RGS6: variants seen among roughly 807,000 people sequenced by gnomAD.
RGS6 encodes regulator of G-protein signaling 6.
Under a neutral mutation model 78.5 loss-of-function variants are expected in RGS6, and 30 were observed. The observed-to-expected ratio is 0.38, with a 90% confidence interval of 0.29 to 0.52. The LOEUF (loss-of-function observed/expected upper bound fraction) is 0.52, where lower values mean the gene tolerates loss of function less well. RGS6 is among the 20% of genes least tolerant of loss of function. The pLI is 0.85. For synonymous variants in RGS6, 206 were observed against 206.0 expected (o/e 1.00, Z 0.00); for missense variants, 495 against 609.7 (o/e 0.81, Z 1.98).
At chr14:72,475,754 A>T (rs1343137226) in intron 10 of RGS6, among the ~76,000 whole-genome samples, 1 of 151,676 alleles carries the variant, frequency 6.6e-6, no homozygotes, top group African/African-American at 2.4e-5. Flanking sequence ...AAGAGTGGAG[A>T]TGTGTCCCCA....
intron 2 of RGS6, among the ~76,000 whole-genome samples, chr14:72,292,257 T>C (rs2063724482): frequency 6.6e-6 from 1 of 152,204 alleles, no homozygotes; most frequent in South Asian, 2.1e-4. Context: ...CCAGCTGTCG[T>C]TTGTTCTCCT....
At chr14:72,073,296 G>GT (rs2094469217) in intron 2 of RGS6, among the ~76,000 whole-genome samples, 1 of 152,134 alleles carries the variant, frequency 6.6e-6, no homozygotes, top group African/African-American at 2.4e-5. Flanking sequence ...AACAAAACCG[G>GT]TATTACCATA....
intron 14 of RGS6, among the ~76,000 whole-genome samples, chr14:72,515,452 G>A (rs992438218): frequency 5.9e-5 from 9 of 152,214 alleles, no homozygotes; most frequent in African/African-American, 2.2e-4. Flanking sequence ...GATCACTTGA[G>A]GCCAGGAGTT....
the RGS6 span, among the ~76,000 whole-genome samples, chr14:72,622,585 A>C: frequency 6.6e-6 from 1 of 152,282 alleles, no homozygotes; most frequent in African/African-American, 2.4e-5. Context: ...AATTTCCCAA[A>C]GGAAAACTAG....
chr14:72,075,804 C>T (rs1021386027), intron 2 of RGS6, among the ~76,000 whole-genome samples: 1 of 152,180 alleles, frequency 6.6e-6, no homozygotes, highest in Non-Finnish European at 1.5e-5. Context: ...TGGTACCTTA[C>T]GTGACCTCCG....
At chr14:72,218,524 T>C (rs2046119520) in intron 2 of RGS6, among the ~76,000 whole-genome samples, 2 of 152,100 alleles carry the variant, frequency 1.3e-5, no homozygotes. Flanking sequence ...AATACAGGGT[T>C]AGGTTTCTGC....
chr14:72,231,637 T>G (rs1456879559), intron 2 of RGS6, among the ~76,000 whole-genome samples: 3 of 152,118 alleles, frequency 2.0e-5, no homozygotes, highest in Admixed American at 2.0e-4. Flanking sequence ...TAGAGAGTGA[T>G]GGGGCCAGAC....
chr14:72,068,754 C>CA lies in RGS6; in HGVS notation c.84+103882dup, dbSNP rs1263175092. Among the ~76,000 whole-genome samples, 5 of 152,062 alleles carry CA rather than the reference C, an allele frequency of 3.3e-5. No individual in the cohort carries two copies. In the East Asian group the frequency reaches 9.7e-4, roughly 29 times the overall value. On this transcript the variant is annotated intron_variant, in intron 2 of 17. Coordinates refer to ENST00000553525, the MANE Select transcript of RGS6 (RefSeq NM_001204424.2). ...TGTTGATATATGTGCCTTGGCCTCC[C>CA]AAAGTGCTGGGATTACAGGTGTGAG... is the stretch of plus-strand genomic sequence containing the variant.
At chr14:72,343,977 G>C (rs762017306) in intron 2 of RGS6, among the ~76,000 whole-genome samples, 5 of 152,100 alleles carry the variant, frequency 3.3e-5, no homozygotes, top group Non-Finnish European at 7.4e-5. Flanking sequence ...GGCCATCTGC[G>C]GTCAGAGATT....
At chr14:72,055,559 G>T (rs1017857850) in intron 2 of RGS6, among the ~76,000 whole-genome samples, 1 of 152,098 alleles carries the variant, frequency 6.6e-6, no homozygotes, top group East Asian at 1.9e-4. Context: ...CTGCACAGTG[G>T]AATCCCTTGG....
Position 72,060,262 on chromosome 14 carries a change from A to G in RGS6, c.84+95387A>G, listed in dbSNP as rs183215469. On this transcript the variant is annotated intron_variant, in intron 2 of 17. Transcript: ENST00000553525. The stretch of plus-strand genomic sequence containing the variant: ...TAAAGCTCTGTAATAGTTATTTTGT[A>G]TGTTATATAAATAATTTCCCTGCAA... Among the ~76,000 whole-genome samples, 597 of 152,156 alleles carry G rather than the reference A, an allele frequency of 3.9e-3. 1 individual carries two copies. The highest frequency in any genetic ancestry group is 0.014 in the African/African-American group (583 of 41,532).
chr14:72,052,977 C>A (rs1200716384), intron 2 of RGS6, among the ~76,000 whole-genome samples: 1 of 45,620 alleles, frequency 2.2e-5, no homozygotes, highest in African/African-American at 1.8e-4. Context: ...TTCTTTCTTT[C>A]TTTCTTTCTC....
At chr14:72,349,595 C>T (rs1566593140) in intron 2 of RGS6, among the ~76,000 whole-genome samples, 1 of 152,112 alleles carries the variant, frequency 6.6e-6, no homozygotes, top group African/African-American at 2.4e-5. Context: ...AGTCTTCTTT[C>T]TGTTAGTTGA....
intron 17 of RGS6, among the ~76,000 whole-genome samples, chr14:72,542,934 GTTAGT>G (rs886116996): frequency 2.0e-5 from 3 of 152,206 alleles, no homozygotes; most frequent in African/African-American, 7.2e-5. Flanking sequence ...TTAGGGCCAT[GTTAGT>G]TTGGGTGACG....
chr14:72,237,603 T>C (rs1480941047), intron 2 of RGS6, among the ~76,000 whole-genome samples: 1 of 152,180 alleles, frequency 6.6e-6, no homozygotes, highest in Non-Finnish European at 1.5e-5. Context: ...AGAACCCTGG[T>C]TTCCTAACTC....
chr14:72,141,868 A>C (rs545486772), intron 2 of RGS6, among the ~76,000 whole-genome samples: 1 of 150,318 alleles, frequency 6.7e-6, no homozygotes, highest in East Asian at 1.9e-4. Context: ...CTTAGATTAC[A>C]TTCCTAGATT....
intron 1 of RGS6, among the ~76,000 whole-genome samples, chr14:71,934,067 C>T (rs2088486579): frequency 6.6e-6 from 1 of 152,118 alleles, no homozygotes; most frequent in African/African-American, 2.4e-5. Flanking sequence ...TGGTGGGAAA[C>T]TTTCTGTAAG....
chr14:72,500,174 G>T (rs1309196805), intron 13 of RGS6, among the ~76,000 whole-genome samples: 1 of 152,338 alleles, frequency 6.6e-6, no homozygotes, highest in South Asian at 2.1e-4. Flanking sequence ...CCAAGGAGGT[G>T]CTACCTGCCC....
chr14:72,572,701 A>T, the RGS6 span, among the ~76,000 whole-genome samples: 3 of 152,240 alleles, frequency 2.0e-5, no homozygotes, highest in African/African-American at 7.2e-5. Flanking sequence ...TTGAGGAGTG[A>T]TGAAAATGTT....
Sources: allele counts gnomAD v4.1 joint callset (sites outside exome capture counted in the v4.1 genomes callset), GRCh38; gene constraint gnomAD v4.1.1; transcripts MANE v1.5; gene names NCBI Gene and HGNC (gene_info 2026-07-23, HGNC 2026-07-21).